The following CHN1 variants were observed in gnomAD, a reference collection of about 807,000 sequenced individuals.
CHN1 encodes the protein N-chimaerin.
CHN1 carries 37 observed loss-of-function variants against 59.5 expected under a neutral mutation model. The ratio of observed to expected loss-of-function variants is 0.62; its 90% CI spans 0.48 to 0.82. The LOEUF is 0.82. Among genes scored for constraint, CHN1 ranks in the 40% least tolerant of loss-of-function variants. CHN1 has a pLI of 0.00. For synonymous variants in CHN1, 206 were observed against 200.4 expected (o/e 1.03, Z -0.24); for missense variants, 469 against 571.0 (o/e 0.82, Z 1.82).
At chr2:174,848,718 CTAAAT>C (rs1686627086) in intron 6 of CHN1, among the ~76,000 whole-genome samples, 1 of 152,060 alleles carries the variant, frequency 6.6e-6, no homozygotes, top group Admixed American at 6.6e-5. Context: ...CTAAACATCC[CTAAAT>C]TATTTTTGTT....
chr2:174,909,552 C>T (rs1688630284), intron 5 of CHN1, among the ~76,000 whole-genome samples: 1 of 152,204 alleles, frequency 6.6e-6, no homozygotes, highest in South Asian at 2.1e-4. Context: ...TGGGCATAAA[C>T]AAGAAATCTT....
chr2:174,967,269 T>C (rs953903628), intron 1 of CHN1, among the ~76,000 whole-genome samples: 1 of 151,998 alleles, frequency 6.6e-6, no homozygotes, highest in South Asian at 2.1e-4. Flanking sequence ...GCAGGGAGGA[T>C]TGCTCGAGCC....
intron 1 of CHN1, among the ~76,000 whole-genome samples, chr2:174,967,699 C>T (rs1690637501): frequency 6.6e-6 from 1 of 152,144 alleles, no homozygotes; most frequent in Non-Finnish European, 1.5e-5. Context: ...GTTATCTTTC[C>T]AACTGTAATT....
intron 4 of CHN1, 149 bp from the exon 5 acceptor site, chr2:174,915,320 T>C (rs1688815554): frequency 3.1e-6 from 2 of 654,128 alleles, no homozygotes; most frequent in South Asian, 1.9e-5. Context: ...GGTTTAACTA[T>C]GCTTGTGTTT....
intron 5 of CHN1, among the ~76,000 whole-genome samples, chr2:174,880,903 G>A (rs1299332478): frequency 6.6e-6 from 1 of 151,994 alleles, no homozygotes; most frequent in Non-Finnish European, 1.5e-5. Context: ...AAAATTAGCT[G>A]GGCGTGGTAG....
At chr2:174,945,259 T>G (rs189690252) in intron 2 of CHN1, 2 of 431,326 alleles carry the variant, frequency 4.6e-6, no homozygotes, top group East Asian at 1.1e-4. Flanking sequence ...TATTAAAGGA[T>G]GTCTATGATA....
At chr2:174,942,032 G>A (rs1398750177) in intron 3 of CHN1, among the ~76,000 whole-genome samples, 1 of 152,166 alleles carries the variant, frequency 6.6e-6, no homozygotes, top group Non-Finnish European at 1.5e-5. Context: ...AAGATGCAGA[G>A]AAAAGGGAAT....
At chr2:174,993,791 G>C (rs536163471) in intron 1 of CHN1, among the ~76,000 whole-genome samples, 1 of 152,136 alleles carries the variant, frequency 6.6e-6, no homozygotes, top group African/African-American at 2.4e-5. Flanking sequence ...TTTGTAAATT[G>C]CCTCAAATTC....
chr2:174,995,773 A>G (rs1052654770), intron 1 of CHN1, among the ~76,000 whole-genome samples: 4 of 152,216 alleles, frequency 2.6e-5, no homozygotes, highest in African/African-American at 4.8e-5. Context: ...TCCTTTGTCC[A>G]GCATATCCAT....
chr2:174,987,050 G>C (rs1297655386), intron 1 of CHN1, among the ~76,000 whole-genome samples: 1 of 152,012 alleles, frequency 6.6e-6, no homozygotes, highest in Non-Finnish European at 1.5e-5. Context: ...TTATTATTTT[G>C]TTAATAACAT....
At position 174,968,446 on chromosome 2, in the gene CHN1, G is replaced by A. The variant is rs192717315; in HGVS notation, c.20-16244C>T. 3.9e-4 allele frequency among the ~76,000 whole-genome samples: 60 copies of A among 152,208 alleles called. 1 individual carries two copies. The highest frequency in any genetic ancestry group is 7.5e-4 in the Non-Finnish European group (51 of 68,042). ...AATACTGTGGCAACCACAAATGAGC[G>A]GAGTTGGATAATTCTAAAGCACGTT... On this transcript the variant is annotated intron_variant, in intron 1 of 12. Transcript: ENST00000409900.
chr2:174,890,490 CGGG>C (rs552799868), intron 5 of CHN1, among the ~76,000 whole-genome samples: 110 of 151,902 alleles, frequency 7.2e-4, no homozygotes, highest in Non-Finnish European at 1.4e-3. Flanking sequence ...CCCAGAAGTT[CGGG>C]ACCAGCATGG....
intron 5 of CHN1, among the ~76,000 whole-genome samples, chr2:174,886,463 G>A (rs1026509667): frequency 6.6e-6 from 1 of 152,018 alleles, no homozygotes; most frequent in Non-Finnish European, 1.5e-5. Context: ...CCTCCTTGCA[G>A]GTTATTAACT....
At chr2:174,891,934 G>A (rs1688065254) in intron 5 of CHN1, among the ~76,000 whole-genome samples, 1 of 152,000 alleles carries the variant, frequency 6.6e-6, no homozygotes, top group Non-Finnish European at 1.5e-5. Context: ...TACAACTGAT[G>A]CCACAAAAAT....
In CHN1 at chr2:174,905,666, G is replaced by A. The variant is rs1688523337; in HGVS notation, c.260+9392C>T. ...TGCAAACTCCACCTCCCGGGTTCAT[G>A]CCATTCTCCTGCCTCAGCCTCCTGA... On this transcript the variant is annotated intron_variant, in intron 5 of 12. Transcript: ENST00000409900. Among the ~76,000 whole-genome samples the A allele has an allele frequency of 2.6e-5, 4 of 151,982 alleles. 1 individual carries two copies. Among genetic ancestry groups the A allele is most frequent in the Admixed American group, 6.6e-5 (1 of 15,256 alleles).
chr2:174,912,635 A>T (rs1276821871), intron 5 of CHN1, among the ~76,000 whole-genome samples: 1 of 152,214 alleles, frequency 6.6e-6, no homozygotes, highest in Non-Finnish European at 1.5e-5. Flanking sequence ...AAACAAATTG[A>T]TGTGAACTGG....
At position 174,905,683 on chromosome 2, in the gene CHN1, G is replaced by A. The variant is rs531139034; in HGVS notation, c.260+9375C>T. Among the ~76,000 whole-genome samples the A allele has an allele frequency of 4.6e-5, 7 of 152,030 alleles. No homozygotes were observed. In the East Asian group the frequency reaches 1.4e-3, roughly 29 times the overall value. The stretch of plus-strand genomic sequence containing the variant: ...GGGTTCATGCCATTCTCCTGCCTCA[G>A]CCTCCTGAGAAGCTGGGACTACAGC... On this transcript the variant is annotated intron_variant, in intron 5 of 12. Coordinates refer to ENST00000409900, the MANE Select transcript of CHN1 (RefSeq NM_001822.7).
intron 5 of CHN1, among the ~76,000 whole-genome samples, chr2:174,890,556 C>T (rs534182511): frequency 3.2e-4 from 49 of 152,088 alleles, no homozygotes; most frequent in African/African-American, 9.6e-4. Context: ...AAAATATATA[C>T]GCACCTATTA....
At chr2:174,967,682 C>T (rs1398842617) in intron 1 of CHN1, among the ~76,000 whole-genome samples, 12 of 152,134 alleles carry the variant, frequency 7.9e-5, no homozygotes, top group African/African-American at 2.7e-4. Flanking sequence ...GGAGATTTTC[C>T]TTGTCAGTTA....
Sources: allele counts gnomAD v4.1 joint callset (sites outside exome capture counted in the v4.1 genomes callset), GRCh38; gene constraint gnomAD v4.1.1; transcripts MANE v1.5; gene names NCBI Gene and HGNC (gene_info 2026-07-23, HGNC 2026-07-21).